The following SPA17 variants were observed in gnomAD, a reference collection of about 807,000 sequenced individuals.
SPA17 encodes the protein sperm surface protein Sp17.
SPA17 carries 7 observed loss-of-function variants against 13.8 expected under a neutral mutation model. That is an observed-to-expected ratio of 0.51 (90% CI 0.29 to 0.95). The LOEUF (loss-of-function observed/expected upper bound fraction) is 0.95, where lower values mean the gene tolerates loss of function less well. Among genes scored for constraint, SPA17 ranks in the 40% least tolerant of loss-of-function variants. The pLI, the probability that SPA17 is intolerant of heterozygous loss-of-function variation, is 0.08. For synonymous variants in SPA17, 61 were observed against 59.0 expected (o/e 1.03, Z -0.16); for missense variants, 170 against 179.3 (o/e 0.95, Z 0.30).
intron 3 of SPA17, among the ~76,000 whole-genome samples, chr11:124,686,365 A>G (rs1466059442): frequency 6.6e-6 from 1 of 152,204 alleles, no homozygotes; most frequent in South Asian, 2.1e-4. Flanking sequence ...ACCCAGTCTC[A>G]GGTATTTCTT....
chr11:124,685,379 A>T (rs1943568207), intron 3 of SPA17, among the ~76,000 whole-genome samples: 1 of 152,246 alleles, frequency 6.6e-6, no homozygotes, highest in Non-Finnish European at 1.5e-5. Flanking sequence ...GAGGTTTGGG[A>T]AACTCCACCT....
intron 2 of SPA17, among the ~76,000 whole-genome samples, chr11:124,676,695 C>T (rs890841963): frequency 6.6e-6 from 1 of 152,116 alleles, no homozygotes; most frequent in African/African-American, 2.4e-5. Flanking sequence ...AGAAGAGGAA[C>T]GTTATTAAGA....
At position 124,675,226 on chromosome 11, in the gene SPA17, A is replaced by G. The variant is rs778413234; in HGVS notation, c.-27-12A>G. On this transcript the variant is annotated splice_polypyrimidine_tract_variant and intron_variant, in intron 1 of 4. Transcript: ENST00000227135. ...ACAAATTTAAAGACAGTACTCTTTAATGAATCTTTAGGTTCCATAGGCAGT... is the reference window on the plus strand; with the variant it reads ...ACAAATTTAAAGACAGTACTCTTTAGTGAATCTTTAGGTTCCATAGGCAGT... The G allele has an allele frequency of 7.8e-5, 125 of 1,593,282 alleles. No homozygotes were observed. Among genetic ancestry groups the G allele is most frequent in the Non-Finnish European group, 1.0e-4 (122 of 1,172,920 alleles).
chr11:124,689,637 CG>C (rs1377502544), intron 3 of SPA17, among the ~76,000 whole-genome samples: 5 of 151,676 alleles, frequency 3.3e-5, no homozygotes, highest in Non-Finnish European at 7.4e-5. Flanking sequence ...ATTAGCCAGA[CG>C]TGGTGGTGTG....
chr11:124,673,992 T>C (rs2134401085), intron 1 of SPA17, 40 bp downstream of exon 1: 1 of 487,386 alleles, frequency 2.1e-6, no homozygotes, highest in African/African-American at 2.0e-5. Context: ...TACCAAGACC[T>C]AGCCTTTTCC....
chr11:124,680,862 A>T (rs1209882348), intron 2 of SPA17, among the ~76,000 whole-genome samples: 1 of 152,114 alleles, frequency 6.6e-6, no homozygotes, highest in Admixed American at 6.5e-5. Flanking sequence ...GGAGTTTGTT[A>T]TCATATCTAC....
At chr11:124,683,854 CAG>C (rs1314916601) in intron 3 of SPA17, among the ~76,000 whole-genome samples, 1 of 152,142 alleles carries the variant, frequency 6.6e-6, no homozygotes, top group Non-Finnish European at 1.5e-5. Flanking sequence ...TGTCTAAAGA[CAG>C]AGGTAGACTG....
chr11:124,683,038 C>T lies in SPA17; in HGVS notation c.225+1579C>T, dbSNP rs138233330. ...CCCGATCAGACTAATAACCGTACTT[C>T]TCAGCAGAAACCTGACAGGCCAGGA... is the stretch of plus-strand genomic sequence containing the variant. On this transcript the variant is annotated intron_variant, in intron 3 of 4. Transcript: ENST00000227135. Among the ~76,000 whole-genome samples, 192 of 152,292 alleles carry T rather than the reference C, an allele frequency of 1.3e-3. 2 individuals are homozygous for T. In the East Asian group the frequency reaches 0.025, roughly 20 times the overall value.
intron 3 of SPA17, among the ~76,000 whole-genome samples, chr11:124,688,505 A>C (rs1943596088): frequency 6.6e-6 from 1 of 152,246 alleles, no homozygotes; most frequent in Non-Finnish European, 1.5e-5. Context: ...TTTAAAAAAC[A>C]CATAGGAGTA....
In SPA17 at chr11:124,675,243, A is replaced by G. The variant is rs778447302; in HGVS notation, c.-22A>G. ...ACTCTTTAATGAATCTTTAGGTTCCATAGGCAGTTCTTACCAAGAAGATGT... is the reference window on the plus strand; with the variant it reads ...ACTCTTTAATGAATCTTTAGGTTCCGTAGGCAGTTCTTACCAAGAAGATGT... On this transcript the variant is annotated 5_prime_UTR_variant, in exon 2 of 5. Coordinates refer to ENST00000227135, the MANE Select transcript of SPA17 (RefSeq NM_017425.4). 2.5e-6 allele frequency: 4 copies of G among 1,607,542 alleles called. No homozygotes were observed. The highest frequency in any genetic ancestry group is 2.2e-5 in the South Asian group (2 of 89,292).
chr11:124,674,667 C>CCCCAT (rs1306835289), intron 1 of SPA17: 3 of 152,250 alleles, frequency 2.0e-5, no homozygotes, highest in Admixed American at 6.5e-5. Context: ...TGACACACAG[C>CCCCAT]CCCATCCCAT....
At chr11:124,684,695 T>C (rs1943561022) in intron 3 of SPA17, among the ~76,000 whole-genome samples, 1 of 152,204 alleles carries the variant, frequency 6.6e-6, no homozygotes, top group Non-Finnish European at 1.5e-5. Context: ...TTGGAAAATC[T>C]GGAACTTCCT....
intron 3 of SPA17, among the ~76,000 whole-genome samples, chr11:124,689,012 A>T (rs1012642980): frequency 3.3e-5 from 5 of 152,236 alleles, no homozygotes; most frequent in Non-Finnish European, 7.3e-5. Flanking sequence ...TAAAGCATAT[A>T]CATATAGCTA....
chr11:124,693,857 T>A (rs2019363377), intron 4 of SPA17, among the ~76,000 whole-genome samples: 1 of 152,204 alleles, frequency 6.6e-6, no homozygotes, highest in African/African-American at 2.4e-5. Flanking sequence ...ACTTTAAATG[T>A]ATGACGATGA....
At chr11:124,683,536 T>TAAAAA (rs57544674) in intron 3 of SPA17, among the ~76,000 whole-genome samples, 4 of 135,960 alleles carry the variant, frequency 2.9e-5, no homozygotes, top group Non-Finnish European at 6.5e-5. Flanking sequence ...TGGATTTCTT[T>TAAAAA]AAAAAAAAAA....
chr11:124,688,081 A>T (rs1339443474), intron 3 of SPA17, among the ~76,000 whole-genome samples: 1 of 152,208 alleles, frequency 6.6e-6, no homozygotes, highest in Non-Finnish European at 1.5e-5. Flanking sequence ...TGGTGTAATC[A>T]TAGCTCACTG....
rs751010398 is a variant in SPA17 at position 124,681,369 on chromosome 11, C to G, written c.155-20C>G. ...AATGAATTCAAATAAATCTGAAGTT[C>G]TTATATTTTTATTATTTAGAAACCA... On this transcript the variant is annotated intron_variant, in intron 2 of 4. Transcript: ENST00000227135. 1 of 1,551,414 alleles carries G rather than the reference C, an allele frequency of 6.4e-7. No homozygotes were observed. Among genetic ancestry groups the G allele is most frequent in the Non-Finnish European group, 8.8e-7 (1 of 1,139,664 alleles).
Position 124,694,969 on chromosome 11 carries a change from G to A in SPA17, c.*523G>A, listed in dbSNP as rs117266941. On this transcript the variant is annotated 3_prime_UTR_variant, in exon 5 of 5. Transcript: ENST00000227135. ...CTAAAAGTACAAAAATTGGCCAGGC[G>A]TGGTGCGCACACCTGTAATCCCAGC... 0.01 allele frequency: 1,592 copies of A among 152,614 alleles called. 11 individuals carry two copies. Among genetic ancestry groups the A allele is most frequent in the Non-Finnish European group, 0.015 (1,041 of 68,332 alleles). 9.5% of individuals were successfully genotyped at this position (152,614 alleles called of 1,614,324 possible).
chr11:124,675,744 C>T (rs1314500888), intron 2 of SPA17: 2 of 201,144 alleles, frequency 9.9e-6, no homozygotes, highest in Admixed American at 5.6e-5. Context: ...AGTCTACCCT[C>T]GCCACGTTCC....
Sources: gnomAD v4.1 joint callset for allele counts (sites outside exome capture counted in the v4.1 genomes callset) on GRCh38, gnomAD v4.1.1 for gene constraint, MANE v1.5 for transcripts, NCBI Gene and HGNC (gene_info 2026-07-23, HGNC 2026-07-21) for gene names.